The following CDYL2 variants were observed in gnomAD, a reference collection of about 807,000 sequenced individuals.
CDYL2 encodes the protein chromodomain Y-like protein 2.
Under a neutral mutation model 49.4 loss-of-function variants are expected in CDYL2, and 23 were observed. That is an observed-to-expected ratio of 0.47 (90% CI 0.34 to 0.66). The LOEUF is 0.66. CDYL2 is among the 30% of genes least tolerant of loss of function. CDYL2 has a pLI of 0.01. For missense variants in CDYL2, 678 were observed against 656.4 expected (o/e 1.03, Z -0.36); for synonymous variants, 360 against 268.8 (o/e 1.34, Z -3.32).
chr16:80,770,467 A>G (rs373386268), intron 1 of CDYL2, among the ~76,000 whole-genome samples: 1 of 152,220 alleles, frequency 6.6e-6, no homozygotes, highest in African/African-American at 2.4e-5. Context: ...TATTGTATGT[A>G]GAAAAACAAA....
At position 80,612,617 on chromosome 16, in the gene CDYL2, G is replaced by A. The variant is rs899947727; in HGVS notation, c.1218+9C>T. 2 of 1,595,060 alleles carry A rather than the reference G, an allele frequency of 1.3e-6. No homozygotes were observed. Among genetic ancestry groups the A allele is most frequent in the Non-Finnish European group, 1.7e-6 (2 of 1,170,410 alleles). Reference sequence around the variant, plus strand: ...TGGGACCCGAATCCAGGTATCACAGGAGGCTTACCAGCGCGACGCCCAGGA... The same window carrying A: ...TGGGACCCGAATCCAGGTATCACAGAAGGCTTACCAGCGCGACGCCCAGGA... On this transcript the variant is annotated intron_variant, in intron 5 of 6. Coordinates refer to ENST00000570137, the MANE Select transcript of CDYL2 (RefSeq NM_152342.4). This position sits in a 1 kb window ranked among gnomAD's most constrained non-coding sequence, Gnocchi z 5.0.
At chr16:80,621,156 G>A (rs1351979164) in intron 3 of CDYL2, among the ~76,000 whole-genome samples, 1 of 152,228 alleles carries the variant, frequency 6.6e-6, no homozygotes, top group African/African-American at 2.4e-5. Flanking sequence ...CCCGGAGAAG[G>A]CAGAAGAGTG....
chr16:80,706,066 T>C (rs1326013645), intron 1 of CDYL2, among the ~76,000 whole-genome samples: 2 of 152,254 alleles, frequency 1.3e-5, no homozygotes, highest in Non-Finnish European at 2.9e-5. Context: ...GCATCCAGTG[T>C]AGAAGACTGA....
intron 1 of CDYL2, among the ~76,000 whole-genome samples, chr16:80,796,206 G>C (rs1260440362): frequency 6.6e-6 from 1 of 152,194 alleles, no homozygotes; most frequent in Non-Finnish European, 1.5e-5. Flanking sequence ...GGAATTTCTA[G>C]CTCTTCAGGG....
chr16:80,604,200 A>G lies in CDYL2; in HGVS notation c.*188T>C, dbSNP rs1906226049. 1.6e-6 allele frequency: 1 copy of G among 642,790 alleles called. No individual in the cohort carries two copies. The allele number at this position is 642,790 out of a possible 1,614,324, so 39.8% of individuals were successfully genotyped here. ...GGCAGGGAGGTGGGGGAGGCCAAGT[A>G]TGCTGCGTTTTCCATCCATTACACA... On this transcript the variant is annotated 3_prime_UTR_variant, in exon 7 of 7. Transcript: ENST00000570137.
At chr16:80,673,731 C>T (rs1489457585) in intron 2 of CDYL2, among the ~76,000 whole-genome samples, 4 of 152,132 alleles carry the variant, frequency 2.6e-5, no homozygotes, top group African/African-American at 9.7e-5. Flanking sequence ...TATCCTAATC[C>T]CTGGGACCTA....
chr16:80,804,866 C>A (rs1424843297), upstream of CDYL2, among the ~76,000 whole-genome samples: 1 of 151,256 alleles, frequency 6.6e-6, no homozygotes, highest in Non-Finnish European at 1.5e-5. Context: ...GGGAAGGGGC[C>A]CCAGCCGAGC....
At chr16:80,670,781 G>A (rs1439951957) in intron 2 of CDYL2, among the ~76,000 whole-genome samples, 1 of 152,150 alleles carries the variant, frequency 6.6e-6, no homozygotes, top group Non-Finnish European at 1.5e-5. Flanking sequence ...TAAAAAGTGT[G>A]AATCGAGGCC....
At chr16:80,633,697 C>T (rs1210047137) in intron 2 of CDYL2, among the ~76,000 whole-genome samples, 1 of 151,332 alleles carries the variant, frequency 6.6e-6, no homozygotes, top group East Asian at 2.0e-4. Context: ...AATATGAGAA[C>T]CAGAGATGGG....
intron 1 of CDYL2, among the ~76,000 whole-genome samples, chr16:80,771,395 A>G (rs564454025): frequency 3.3e-5 from 5 of 152,312 alleles, no homozygotes; most frequent in Admixed American, 3.3e-4. Flanking sequence ...AAAGTCAACA[A>G]TGAAATTTCA....
At chr16:80,776,229 C>T (rs376904184) in intron 1 of CDYL2, among the ~76,000 whole-genome samples, 3 of 151,768 alleles carry the variant, frequency 2.0e-5, no homozygotes, top group South Asian at 2.1e-4. Context: ...AAACATCAAA[C>T]GTGAAAATAA....
intron 1 of CDYL2, among the ~76,000 whole-genome samples, chr16:80,721,688 A>G (rs1192080105): frequency 1.3e-5 from 2 of 152,220 alleles, no homozygotes; most frequent in Non-Finnish European, 2.9e-5. Flanking sequence ...ATCAGGATTG[A>G]AATCAAGCAT....
chr16:80,656,395 G>A lies in CDYL2; in HGVS notation c.617-23159C>T, dbSNP rs114694995. Reference sequence around the variant, plus strand: ...AAAGCCAGGGTGACGTCCAGTCGGGGGCACTGCCTGCATTCAGATCCCACA... The same window carrying A: ...AAAGCCAGGGTGACGTCCAGTCGGGAGCACTGCCTGCATTCAGATCCCACA... On this transcript the variant is annotated intron_variant, in intron 2 of 6. Coordinates refer to ENST00000570137, the MANE Select transcript of CDYL2 (RefSeq NM_152342.4). Among the ~76,000 whole-genome samples, 634 of 152,352 alleles carry A rather than the reference G, an allele frequency of 4.2e-3. 3 individuals are homozygous for A. The highest frequency in any genetic ancestry group is 0.015 in the African/African-American group (609 of 41,584).
intron 1 of CDYL2, among the ~76,000 whole-genome samples, chr16:80,726,519 T>A (rs1328276621): frequency 6.6e-6 from 1 of 152,216 alleles, no homozygotes; most frequent in East Asian, 1.9e-4. Flanking sequence ...AAGCTTGACA[T>A]GCAATACATA....
intron 6 of CDYL2, among the ~76,000 whole-genome samples, chr16:80,606,977 G>C (rs545437339): frequency 6.6e-6 from 1 of 152,276 alleles, no homozygotes; most frequent in African/African-American, 2.4e-5. Flanking sequence ...CCCAGTCTCG[G>C]GTATGTCTTT....
intron 5 of CDYL2, among the ~76,000 whole-genome samples, chr16:80,609,434 C>T (rs16953642): frequency 0.031 from 4,752 of 152,230 alleles, 247 homozygotes; most frequent in African/African-American, 0.11. Context: ...ACTGATGGTT[C>T]GTGATGACCC....
chr16:80,631,734 G>T (rs989665700), intron 3 of CDYL2, among the ~76,000 whole-genome samples: 1 of 152,126 alleles, frequency 6.6e-6, no homozygotes, highest in Non-Finnish European at 1.5e-5. Flanking sequence ...TTTAAAAATA[G>T]GCAAAGGATG....
intron 4 of CDYL2, among the ~76,000 whole-genome samples, chr16:80,620,354 GC>G: frequency 6.6e-6 from 1 of 152,312 alleles, no homozygotes; most frequent in East Asian, 1.9e-4. Context: ...CTACGGCAGT[GC>G]TGGGACATAC....
intron 4 of CDYL2, among the ~76,000 whole-genome samples, chr16:80,617,180 T>G (rs1906869453): frequency 1.3e-5 from 2 of 152,224 alleles, no homozygotes; most frequent in South Asian, 4.1e-4. Flanking sequence ...TGCAGAGTGA[T>G]GCGTCCCAGT....
Sources: allele counts gnomAD v4.1 joint callset (sites outside exome capture counted in the v4.1 genomes callset), GRCh38; gene constraint gnomAD v4.1.1; non-coding constraint Gnocchi (gnomAD v3.1); transcripts MANE v1.5; gene names NCBI Gene and HGNC (gene_info 2026-07-23, HGNC 2026-07-21).